LRFN2: variants seen among roughly 807,000 people sequenced by gnomAD.
LRFN2 encodes leucine-rich repeat and fibronectin type-III domain-containing protein 2.
Under a neutral mutation model 37.3 loss-of-function variants are expected in LRFN2, and 18 were observed. The ratio of observed to expected loss-of-function variants is 0.48; its 90% confidence interval spans 0.33 to 0.72. The LOEUF (loss-of-function observed/expected upper bound fraction) is 0.72. Ranked by LOEUF, LRFN2 falls within the 30% of genes least tolerant of loss-of-function variation. The pLI is 0.02. For synonymous variants in LRFN2, 556 were observed against 466.6 expected, an observed-to-expected ratio of 1.19 and a Z score of -2.47; for missense variants, 1,006 against 1,060.7, an observed-to-expected ratio of 0.95 and a Z score of 0.72.
At chr6:40,532,902 C>T (rs1766373119) in intron 1 of LRFN2, among the ~76,000 whole-genome samples, 1 of 152,216 alleles carries the variant, frequency 6.6e-6, no homozygotes, top group Non-Finnish European at 1.5e-5. Flanking sequence ...AGGCCTCCAG[C>T]CTTCAGGCTT....
intron 2 of LRFN2, among the ~76,000 whole-genome samples, chr6:40,400,305 A>G (rs990626646): frequency 2.6e-5 from 4 of 151,918 alleles, no homozygotes; most frequent in Admixed American, 6.6e-5. Context: ...GTGCTTTGCA[A>G]AATGTTAGGG....
chr6:40,522,845 C>T (rs369140021), intron 1 of LRFN2, among the ~76,000 whole-genome samples: 1 of 152,332 alleles, frequency 6.6e-6, no homozygotes, highest in South Asian at 2.1e-4. Context: ...CTTCCCTGAG[C>T]CTGTGTCATG....
intron 1 of LRFN2, among the ~76,000 whole-genome samples, chr6:40,482,986 C>T (rs1182831940): frequency 1.3e-5 from 2 of 152,240 alleles, no homozygotes; most frequent in African/African-American, 4.8e-5. Context: ...TTCCCTTGGC[C>T]TCTCCCCGTT....
intron 1 of LRFN2, among the ~76,000 whole-genome samples, chr6:40,557,896 G>C (rs1223039414): frequency 2.6e-5 from 4 of 152,188 alleles, no homozygotes; most frequent in Admixed American, 2.0e-4. Context: ...TTTTATTGTT[G>C]ATAATGATGA....
Position 40,586,409 on chromosome 6 carries a change from C to T in LRFN2, c.-19+532G>A, listed in dbSNP as rs193279966. Among the ~76,000 whole-genome samples the T allele has an allele frequency of 1.9e-3, 292 of 152,280 alleles. 1 individual carries two copies. Among genetic ancestry groups the T allele is most frequent in the Non-Finnish European group, 2.7e-3 (187 of 68,018 alleles). ...GCCAGCATAGGGTCCCTGAACCTGC[C>T]CTACCTGCCCCCACAAACTGCAACC... On this transcript the variant is annotated intron_variant, in intron 1 of 2. Coordinates refer to ENST00000338305, the MANE Select transcript of LRFN2 (RefSeq NM_020737.3).
rs762389667 is a variant in LRFN2 at position 40,467,207 on chromosome 6, ATG to A, written c.-18-34078_-18-34077del. Among the ~76,000 whole-genome samples the A allele has an allele frequency of 1.9e-4, 14 of 74,184 alleles. 1 individual carries two copies. The highest frequency in any genetic ancestry group is 6.0e-4 in the Admixed American group (4 of 6,616). 48.7% of individuals were successfully genotyped at this position (74,184 alleles called of 152,430 possible). ...GATGATGATGATGATGATGATGATG[ATG>A]TGTGTGTGTGTGTTTCAAAAATGAG... On this transcript the variant is annotated intron_variant, in intron 1 of 2. Coordinates refer to ENST00000338305, the MANE Select transcript of LRFN2 (RefSeq NM_020737.3).
intron 1 of LRFN2, among the ~76,000 whole-genome samples, chr6:40,574,877 T>C (rs1767248861): frequency 6.6e-6 from 1 of 151,988 alleles, no homozygotes; most frequent in South Asian, 2.1e-4. Flanking sequence ...AGGACCCTTT[T>C]CCCCCACCTA....
intron 1 of LRFN2, among the ~76,000 whole-genome samples, chr6:40,471,317 G>A (rs1247351237): frequency 6.6e-6 from 1 of 152,178 alleles, no homozygotes; most frequent in East Asian, 1.9e-4. Flanking sequence ...GATGGCTCTA[G>A]TCTCCTGGCA....
chr6:40,452,411 C>A (rs1046090705), intron 1 of LRFN2, among the ~76,000 whole-genome samples: 1 of 152,196 alleles, frequency 6.6e-6, no homozygotes, highest in Non-Finnish European at 1.5e-5. Context: ...CATCAGTTAG[C>A]AAAGTCATGA....
intron 1 of LRFN2, among the ~76,000 whole-genome samples, chr6:40,458,033 G>A (rs936606699): frequency 1.3e-5 from 2 of 152,168 alleles, no homozygotes; most frequent in Non-Finnish European, 2.9e-5. Context: ...AGTCATTCAG[G>A]CCCATAGTGG....
intron 1 of LRFN2, among the ~76,000 whole-genome samples, chr6:40,448,774 G>A (rs1004586400): frequency 7.2e-5 from 11 of 152,304 alleles, no homozygotes; most frequent in Middle Eastern, 3.4e-3. Context: ...TTGGCAGAAG[G>A]CAGAACCAAG....
intron 1 of LRFN2, among the ~76,000 whole-genome samples, chr6:40,559,837 C>A (rs905468561): frequency 6.6e-6 from 1 of 152,182 alleles, no homozygotes; most frequent in Admixed American, 6.5e-5. Context: ...ATTCACAAAT[C>A]TTCATTTCTC....
chr6:40,568,691 CCTT>C (rs59141183), intron 1 of LRFN2, among the ~76,000 whole-genome samples: 5,691 of 123,028 alleles, frequency 0.046, 388 homozygotes, highest in African/African-American at 0.16. Context: ...CCATTTCCTT[CCTT>C]CCTTCCTTCC....
intron 2 of LRFN2, among the ~76,000 whole-genome samples, chr6:40,429,958 A>C (rs1257897336): frequency 6.6e-6 from 1 of 152,142 alleles, no homozygotes; most frequent in East Asian, 1.9e-4. Context: ...ACACCTTCCA[A>C]ATTTCTCTTA....
At chr6:40,544,728 G>A (rs1035960704) in intron 1 of LRFN2, among the ~76,000 whole-genome samples, 2 of 152,192 alleles carry the variant, frequency 1.3e-5, no homozygotes, top group Non-Finnish European at 2.9e-5. Flanking sequence ...CCCATCTCCC[G>A]AATTCCAGCA....
intron 1 of LRFN2, among the ~76,000 whole-genome samples, chr6:40,494,373 C>G (rs1383148456): frequency 1.3e-5 from 2 of 152,178 alleles, no homozygotes; most frequent in African/African-American, 2.4e-5. Context: ...TCCCCACCCC[C>G]GTTTCCAAAA....
At chr6:40,492,124 C>A (rs969871847) in intron 1 of LRFN2, among the ~76,000 whole-genome samples, 2 of 152,174 alleles carry the variant, frequency 1.3e-5, no homozygotes, top group Non-Finnish European at 2.9e-5. Flanking sequence ...GGAAAGGGAC[C>A]CTGTGGTCTA....
chr6:40,391,764 G>C lies in LRFN2; in HGVS notation c.*179C>G, dbSNP rs1762507243. ...CACATTCCCTGAGCACACCCCGGCCGGGTGGTGGGGAGGTGATGTGGGTGT... is the reference window on the plus strand; with the variant it reads ...CACATTCCCTGAGCACACCCCGGCCCGGTGGTGGGGAGGTGATGTGGGTGT... On this transcript the variant is annotated 3_prime_UTR_variant, in exon 3 of 3. Transcript: ENST00000338305. 1.8e-6 allele frequency: 1 copy of C among 544,944 alleles called. No individual in the cohort carries two copies. The highest frequency in any genetic ancestry group is 3.0e-6 in the Non-Finnish European group (1 of 332,600). The allele number at this position is 544,944 out of a possible 1,614,324, so 33.8% of individuals were successfully genotyped here. A position where few individuals can be genotyped will look rare whatever the true frequency, so the allele number is the denominator to read the frequency against.
At chr6:40,483,287 T>C (rs1239141651) in intron 1 of LRFN2, among the ~76,000 whole-genome samples, 1 of 152,240 alleles carries the variant, frequency 6.6e-6, no homozygotes, top group East Asian at 1.9e-4. Flanking sequence ...TCTACCATCT[T>C]CTCTCCCCTT....
Sources: allele counts gnomAD v4.1 joint callset (sites outside exome capture counted in the v4.1 genomes callset), GRCh38; gene constraint gnomAD v4.1.1; transcripts MANE v1.5; gene names NCBI Gene and HGNC (gene_info 2026-07-23, HGNC 2026-07-21).